APBB2: variants seen among roughly 807,000 people sequenced by gnomAD.
APBB2 encodes the protein Fe65-like 1.
In APBB2, 38 loss-of-function variants were observed where a neutral mutation model predicts 82.5. That is an observed-to-expected ratio of 0.46 (90% CI 0.36 to 0.60). The LOEUF (loss-of-function observed/expected upper bound fraction) is 0.60, where lower values mean the gene tolerates loss of function less well. Among genes scored for constraint, APBB2 ranks in the 20% least tolerant of loss-of-function variants. APBB2 has a pLI of 0.00. For missense variants in APBB2, 772 were observed against 972.3 expected (o/e 0.79, Z 2.74); for synonymous variants, 341 against 368.2 (o/e 0.93, Z 0.85).
chr4:41,017,983 CTT>C (rs1810481767), intron 5 of APBB2, among the ~76,000 whole-genome samples: 2 of 152,300 alleles, frequency 1.3e-5, no homozygotes, highest in Non-Finnish European at 2.9e-5. Flanking sequence ...AGACCAAACT[CTT>C]TAACACAACC....
intron 1 of APBB2, among the ~76,000 whole-genome samples, chr4:41,176,989 C>CA (rs3058043): frequency 6.9e-4 from 97 of 140,274 alleles, no homozygotes; most frequent in East Asian, 3.7e-3. Flanking sequence ...AATAGTGTAC[C>CA]AAAAAAAAAA....
At chr4:40,870,207 G>C (rs972967662) in intron 12 of APBB2, among the ~76,000 whole-genome samples, 2 of 152,120 alleles carry the variant, frequency 1.3e-5, no homozygotes, top group Non-Finnish European at 2.9e-5. Context: ...AATGCTCCAG[G>C]AATCTCAACA....
At chr4:40,817,213 G>T (rs1746045845) in intron 17 of APBB2, among the ~76,000 whole-genome samples, 1 of 152,014 alleles carries the variant, frequency 6.6e-6, no homozygotes, top group African/African-American at 2.4e-5. Flanking sequence ...TTTGAAACCG[G>T]CCTGGGCAAC....
At chr4:40,988,499 A>ATGGTGGTGGGTGCC (rs1205151100) in intron 6 of APBB2, among the ~76,000 whole-genome samples, 1 of 151,684 alleles carries the variant, frequency 6.6e-6, no homozygotes, top group Non-Finnish European at 1.5e-5. Context: ...TTAGCCAGGC[A>ATGGTGGTGGGTGCC]TGGTGGTGGG....
At chr4:41,028,680 C>G (rs1432053056) in intron 5 of APBB2, among the ~76,000 whole-genome samples, 1 of 152,176 alleles carries the variant, frequency 6.6e-6, no homozygotes, top group Non-Finnish European at 1.5e-5. Flanking sequence ...GCTAGGTTTT[C>G]TCTGTTTTGC....
chr4:41,088,645 A>ACAGT (rs1303548939), intron 3 of APBB2, among the ~76,000 whole-genome samples: 3 of 152,232 alleles, frequency 2.0e-5, no homozygotes, highest in South Asian at 2.1e-4. Context: ...AGCTGTGCTG[A>ACAGT]CAGTCACTTC....
chr4:41,193,648 C>T, intron 1 of APBB2: 4 of 771,484 alleles, frequency 5.2e-6, no homozygotes, highest in Non-Finnish European at 6.3e-6. Context: ...CTGCAGGTCT[C>T]CCAGGACCCA....
At chr4:40,938,585 C>A (rs559535358) in intron 7 of APBB2, among the ~76,000 whole-genome samples, 1 of 152,140 alleles carries the variant, frequency 6.6e-6, no homozygotes, top group Non-Finnish European at 1.5e-5. Flanking sequence ...CAACAGAGTG[C>A]TCTTAAAGAC....
intron 2 of APBB2, among the ~76,000 whole-genome samples, chr4:41,131,215 C>A (rs1322371072): frequency 2.6e-5 from 4 of 152,166 alleles, no homozygotes; most frequent in Non-Finnish European, 1.5e-5. Context: ...AGTAGCTGTG[C>A]CCTTTTTCTC....
intron 12 of APBB2, among the ~76,000 whole-genome samples, chr4:40,839,772 C>G (rs185905779): frequency 1.3e-5 from 2 of 151,836 alleles, no homozygotes; most frequent in African/African-American, 4.8e-5. Context: ...TCAAGAAATT[C>G]TCCTGCCTCA....
Position 40,810,998 on chromosome 4 carries a change from T to C in APBB2, c.*5094A>G, listed in dbSNP as rs1744286832. ...GTCTTGAGATTTTTATTTTCAAGTGTATTTTCTGTGATGTTGTCTCATTGT... is the reference window on the plus strand; with the variant it reads ...GTCTTGAGATTTTTATTTTCAAGTGCATTTTCTGTGATGTTGTCTCATTGT... On this transcript the variant is annotated 3_prime_UTR_variant, in exon 18 of 18. Transcript: ENST00000508593. 1 of 152,248 alleles carries C rather than the reference T, an allele frequency of 6.6e-6. No individual in the cohort carries two copies. The allele number at this position is 152,248 out of a possible 1,614,324, so 9.4% of individuals were successfully genotyped here.
intron 16 of APBB2, among the ~76,000 whole-genome samples, chr4:40,823,091 A>C (rs1199558984): frequency 2.6e-5 from 4 of 152,354 alleles, no homozygotes; most frequent in Admixed American, 1.3e-4. Flanking sequence ...AGTGGGCACA[A>C]GTCTGGGCCA....
In APBB2 at chr4:41,195,241, C is replaced by A; in HGVS notation, c.-417+19164G>T. Among the ~76,000 whole-genome samples the A allele has an allele frequency of 9.9e-5, 15 of 152,266 alleles. No homozygotes were observed. In the South Asian group the frequency reaches 2.3e-3, roughly 23 times the overall value. On this transcript the variant is annotated intron_variant, in intron 1 of 17. Coordinates refer to ENST00000508593, the MANE Select transcript of APBB2 (RefSeq NM_004307.2). ...TCACCACTAGGATGCTGATGAAACA[C>A]CTCAAATGATGGTATCCATGGCTGA...
At chr4:41,118,324 G>C (rs1191045466) in intron 2 of APBB2, 1 of 152,144 alleles carries the variant, frequency 6.6e-6, no homozygotes, top group East Asian at 1.9e-4. Context: ...GGATCTTGAG[G>C]AACAGAGTCA....
At chr4:41,000,295 A>G (rs1804864005) in intron 6 of APBB2, among the ~76,000 whole-genome samples, 1 of 152,078 alleles carries the variant, frequency 6.6e-6, no homozygotes, top group African/African-American at 2.4e-5. Flanking sequence ...ATATTTAAAA[A>G]GGGCAAAGTC....
At chr4:40,827,340 C>T in intron 13 of APBB2, 121 bp from the exon 14 acceptor site, 1 of 734,718 alleles carries the variant, frequency 1.4e-6, no homozygotes, top group South Asian at 1.7e-5. Context: ...TAGTCTATTG[C>T]CTGAAGTCCC....
At chr4:41,038,713 C>T (rs867815007) in intron 4 of APBB2, among the ~76,000 whole-genome samples, 5 of 152,340 alleles carry the variant, frequency 3.3e-5, no homozygotes, top group Middle Eastern at 3.4e-3. Context: ...TACTCCCTTT[C>T]TATAACAAAT....
intron 10 of APBB2, among the ~76,000 whole-genome samples, chr4:40,910,137 TTTG>T (rs1778157866): frequency 6.6e-6 from 1 of 151,510 alleles, no homozygotes; most frequent in African/African-American, 2.4e-5. Flanking sequence ...TTTTTTTTTT[TTTG>T]TAATTTTAGT....
chr4:41,125,232 A>C (rs1275288177), intron 2 of APBB2, among the ~76,000 whole-genome samples: 2 of 152,234 alleles, frequency 1.3e-5, no homozygotes. Context: ...AATTTCACTC[A>C]ATTATAATAG....
Sources: gnomAD v4.1 joint callset for allele counts (sites outside exome capture counted in the v4.1 genomes callset) on GRCh38, gnomAD v4.1.1 for gene constraint, MANE v1.5 for transcripts, NCBI Gene and HGNC (gene_info 2026-07-23, HGNC 2026-07-21) for gene names.